The following GRAMD4 variants were observed in gnomAD, a reference collection of about 807,000 sequenced individuals.
GRAMD4 encodes GRAM domain-containing protein 4.
Under a neutral mutation model 83.9 loss-of-function variants are expected in GRAMD4, and 25 were observed. The observed-to-expected ratio is 0.30, with a 90% confidence interval of 0.22 to 0.42. GRAMD4 has a LOEUF of 0.42. Ranked by LOEUF, GRAMD4 falls within the 10% of genes least tolerant of loss-of-function variation. The pLI is 1.00. For synonymous variants in GRAMD4, 336 were observed against 320.9 expected, an observed-to-expected ratio of 1.05 and a Z score of -0.50; for missense variants, 593 against 788.7, an observed-to-expected ratio of 0.75 and a Z score of 2.97.
At chr22:46,637,415 G>A in intron 2 of GRAMD4, among the ~76,000 whole-genome samples, 1 of 152,114 alleles carries the variant, frequency 6.6e-6, no homozygotes, top group African/African-American at 2.4e-5. Context: ...ACTGCGCCTG[G>A]CTAATTTTTC....
chr22:46,640,237 G>T (rs534109462), intron 3 of GRAMD4, among the ~76,000 whole-genome samples: 4 of 152,304 alleles, frequency 2.6e-5, no homozygotes, highest in African/African-American at 7.2e-5. Flanking sequence ...TGGGGCAGGG[G>T]GTCAGTGTTT....
Position 46,587,848 on chromosome 22 carries a change from C to A in GRAMD4, c.-50+10558C>A, listed in dbSNP as rs5767276. ...TTTGGTGGAGAGGAAGTGAAACAGGCGTGTGCGCCAGAAGCCCGGGCGTCG... is the reference window on the plus strand; with the variant it reads ...TTTGGTGGAGAGGAAGTGAAACAGGAGTGTGCGCCAGAAGCCCGGGCGTCG... On this transcript the variant is annotated intron_variant, in intron 1 of 1. Coordinates refer to the GRAMD4 transcript ENST00000431155. The A allele has an allele frequency of 5.4e-6, 5 of 927,400 alleles. No individual in the cohort carries two copies. In the East Asian group the frequency reaches 3.6e-4, roughly 66 times the overall value. 57.4% of individuals were successfully genotyped at this position (927,400 alleles called of 1,614,324 possible).
chr22:46,591,264 C>G (rs755717523), intron 1 of GRAMD4, among the ~76,000 whole-genome samples: 3 of 152,144 alleles, frequency 2.0e-5, no homozygotes, highest in Non-Finnish European at 4.4e-5. Context: ...TGCCTGTAGT[C>G]CCAGCACTTT....
chr22:46,614,255 G>T (rs959670828), intron 1 of GRAMD4, among the ~76,000 whole-genome samples: 3 of 152,172 alleles, frequency 2.0e-5, no homozygotes, highest in Non-Finnish European at 2.9e-5. Context: ...CTGGCATGGC[G>T]GGAGTGTGTG....
intron 1 of GRAMD4, among the ~76,000 whole-genome samples, chr22:46,580,822 C>T (rs1446328365): frequency 6.6e-6 from 1 of 152,070 alleles, no homozygotes; most frequent in African/African-American, 2.4e-5. Context: ...AAAAAATTAG[C>T]CGGGCGTGTT....
At chr22:46,609,145 T>A (rs1034157702) in intron 1 of GRAMD4, among the ~76,000 whole-genome samples, 3 of 152,154 alleles carry the variant, frequency 2.0e-5, no homozygotes, top group African/African-American at 4.8e-5. Flanking sequence ...CAAAACATTT[T>A]TTTTTGTTTT....
chr22:46,644,992 C>T (rs2082053614), intron 3 of GRAMD4, among the ~76,000 whole-genome samples: 1 of 137,464 alleles, frequency 7.3e-6, no homozygotes, highest in Non-Finnish European at 1.5e-5. Context: ...TCAAGCCATC[C>T]ATCCGCCTCG....
At chr22:46,665,537 G>GT (rs1261874921) in intron 8 of GRAMD4, 78 bp from the exon 9 acceptor site, 1 of 780,822 alleles carries the variant, frequency 1.3e-6, no homozygotes, top group Non-Finnish European at 2.2e-6. Context: ...GGGCCGCCTG[G>GT]TGGGGGGAGG....
At chr22:46,627,557 T>C (rs907984777) in intron 2 of GRAMD4, among the ~76,000 whole-genome samples, 1 of 151,992 alleles carries the variant, frequency 6.6e-6, no homozygotes, top group South Asian at 2.1e-4. Flanking sequence ...TTGCATTTGG[T>C]GGGGGGTGGG....
chr22:46,578,005 G>T (rs1238886254), intron 1 of GRAMD4, among the ~76,000 whole-genome samples: 3 of 152,220 alleles, frequency 2.0e-5, no homozygotes, highest in African/African-American at 7.2e-5. Flanking sequence ...TCTCAGCCGG[G>T]TGGGCTGGTG....
intron 1 of GRAMD4, among the ~76,000 whole-genome samples, chr22:46,585,198 T>C (rs958957596): frequency 9.9e-5 from 15 of 151,804 alleles, no homozygotes; most frequent in Middle Eastern, 3.4e-3. Context: ...TCTTTCTTTT[T>C]TTTTTTTTTT....
chr22:46,637,795 G>A, intron 2 of GRAMD4, 45 bp from the exon 3 acceptor site: 2 of 1,609,170 alleles, frequency 1.2e-6, no homozygotes, highest in East Asian at 2.2e-5. Context: ...GCAGACCCAG[G>A]GTGCCACAGG....
rs531680667 is a variant in GRAMD4, at chr22:46,666,933, G to T, written c.858+60G>T. On this transcript the variant is annotated intron_variant, in intron 10 of 18. Coordinates refer to ENST00000406902, the MANE Select transcript of GRAMD4 (RefSeq NM_015124.5). ...TGTCTCCATCACGTCAGGCCTCACAGCCTGTAGGCACCGCTCGGGGAAGCC... is the reference window on the plus strand; with the variant it reads ...TGTCTCCATCACGTCAGGCCTCACATCCTGTAGGCACCGCTCGGGGAAGCC... 11 of 1,248,034 alleles carry T rather than the reference G, an allele frequency of 8.8e-6. 1 individual carries two copies. In the South Asian group the frequency reaches 1.4e-4, roughly 16 times the overall value. 77.3% of individuals were successfully genotyped at this position (1,248,034 alleles called of 1,614,324 possible).
intron 1 of GRAMD4, among the ~76,000 whole-genome samples, chr22:46,603,413 G>C (rs1026034249): frequency 2.7e-4 from 41 of 150,048 alleles, no homozygotes; most frequent in African/African-American, 9.6e-4. Flanking sequence ...GTTTCACCGT[G>C]TTAACCAGGG....
At chr22:46,598,688 CAG>C (rs576553849) in intron 1 of GRAMD4, among the ~76,000 whole-genome samples, 85 of 152,136 alleles carry the variant, frequency 5.6e-4, no homozygotes, top group African/African-American at 2.0e-3. Context: ...TGAGGTCAGA[CAG>C]GGCCTGTGGT....
At chr22:46,597,808 G>A (rs2081277148) in intron 1 of GRAMD4, among the ~76,000 whole-genome samples, 1 of 152,120 alleles carries the variant, frequency 6.6e-6, no homozygotes, top group South Asian at 2.1e-4. Context: ...GTTTTAATTA[G>A]GACAAAAACA....
chr22:46,643,135 G>GCATCCATC, intron 3 of GRAMD4, among the ~76,000 whole-genome samples: 1 of 8,008 alleles, frequency 1.2e-4, no homozygotes, highest in Non-Finnish European at 2.4e-4. Flanking sequence ...ATCCATCCAT[G>GCATCCATC]CATCCTTCCA....
intron 1 of GRAMD4, among the ~76,000 whole-genome samples, chr22:46,580,455 C>T (rs192348186): frequency 6.6e-5 from 10 of 152,342 alleles, no homozygotes; most frequent in African/African-American, 2.4e-4. Flanking sequence ...AGTCTTCCAC[C>T]GTCAGGTGTG....
intron 4 of GRAMD4, 100 bp downstream of exon 4, chr22:46,658,407 G>A (rs984224305): frequency 1.6e-6 from 2 of 1,225,244 alleles, no homozygotes; most frequent in African/African-American, 3.1e-5. Flanking sequence ...CGTCTTGGCA[G>A]CATCATTCTT....
Sources: allele counts gnomAD v4.1 joint callset (sites outside exome capture counted in the v4.1 genomes callset), GRCh38; gene constraint gnomAD v4.1.1; transcripts MANE v1.5; gene names NCBI Gene and HGNC (gene_info 2026-07-23, HGNC 2026-07-21).